The following CTNND2 variants were observed in gnomAD, a reference collection of about 807,000 sequenced individuals.
The protein encoded by CTNND2 is catenin delta 2, also known as catenin delta-2.
A neutral mutation model predicts 144.4 loss-of-function variants in CTNND2; 22 were observed. The observed-to-expected ratio is 0.15, with a 90% CI of 0.11 to 0.22. The LOEUF is 0.22. Ranked by LOEUF, CTNND2 falls within the 10% of genes least tolerant of loss-of-function variation. CTNND2 has a pLI of 1.00. For synonymous variants in CTNND2, 751 were observed against 695.6 expected, an observed-to-expected ratio of 1.08 and a Z score of -1.25; for missense variants, 1,353 against 1,618.8, an observed-to-expected ratio of 0.84 and a Z score of 2.82.
At chr5:11,478,959 G>A (rs555888927) in intron 3 of CTNND2, among the ~76,000 whole-genome samples, 1 of 151,870 alleles carries the variant, frequency 6.6e-6, no homozygotes, top group African/African-American at 2.4e-5. Flanking sequence ...TACTAGAAAG[G>A]GTTCTATTAT....
chr5:11,698,326 T>C (rs1785235035), intron 2 of CTNND2, among the ~76,000 whole-genome samples: 1 of 151,458 alleles, frequency 6.6e-6, no homozygotes, highest in African/African-American at 2.4e-5. Flanking sequence ...TCTCGCTCTG[T>C]CGCCCAGGCT....
At chr5:11,793,589 T>C (rs1016259133) in intron 1 of CTNND2, among the ~76,000 whole-genome samples, 1 of 152,160 alleles carries the variant, frequency 6.6e-6, no homozygotes, top group Non-Finnish European at 1.5e-5. Context: ...ATGGGAACAC[T>C]GGAGTGATGC....
At chr5:11,587,573 C>T (rs1778956914) in intron 2 of CTNND2, among the ~76,000 whole-genome samples, 1 of 151,998 alleles carries the variant, frequency 6.6e-6, no homozygotes, top group Non-Finnish European at 1.5e-5. Flanking sequence ...ATTCTTCACA[C>T]TTAGTTTATA....
At chr5:11,753,726 G>C (rs1788751845) in intron 1 of CTNND2, among the ~76,000 whole-genome samples, 1 of 151,738 alleles carries the variant, frequency 6.6e-6, no homozygotes, top group South Asian at 2.1e-4. Context: ...CAATTTTTTG[G>C]AATAGTTTCA....
intron 1 of CTNND2, among the ~76,000 whole-genome samples, chr5:11,842,258 G>A (rs142067672): frequency 8.0e-4 from 122 of 152,260 alleles, no homozygotes; most frequent in Non-Finnish European, 1.5e-3. Flanking sequence ...TGAAAACACA[G>A]ATTAAAGAAC....
chr5:11,765,636 G>T (rs112863213), intron 1 of CTNND2, among the ~76,000 whole-genome samples: 1 of 152,012 alleles, frequency 6.6e-6, no homozygotes, highest in Non-Finnish European at 1.5e-5. Context: ...AAATGGCGTC[G>T]AACTCTCGGC....
At chr5:11,634,725 GGAAAGGTGGAA>G (rs1581640937) in intron 2 of CTNND2, among the ~76,000 whole-genome samples, 1 of 152,152 alleles carries the variant, frequency 6.6e-6, no homozygotes, top group East Asian at 1.9e-4. Flanking sequence ...AATATTTAAG[GGAAAGGTGGAA>G]GAAAATGAGT....
At chr5:11,694,202 G>A (rs977014318) in intron 2 of CTNND2, among the ~76,000 whole-genome samples, 57 of 152,178 alleles carry the variant, frequency 3.7e-4, no homozygotes, top group Admixed American at 2.7e-3. Context: ...TTGGGAGGCC[G>A]AGGTGGGTGG....
At chr5:11,629,250 G>A (rs186629597) in intron 2 of CTNND2, among the ~76,000 whole-genome samples, 11 of 150,150 alleles carry the variant, frequency 7.3e-5, no homozygotes, top group East Asian at 1.9e-4. Context: ...TGCCTAACCC[G>A]GAAAAGTTAA....
intron 9 of CTNND2, among the ~76,000 whole-genome samples, chr5:11,283,921 C>T (rs528238985): frequency 2.0e-5 from 3 of 152,262 alleles, no homozygotes; most frequent in Non-Finnish European, 4.4e-5. Flanking sequence ...CTGTTCACGT[C>T]GTCTGACGTG....
At chr5:11,668,880 A>G (rs533833533) in intron 2 of CTNND2, among the ~76,000 whole-genome samples, 6 of 152,288 alleles carry the variant, frequency 3.9e-5, no homozygotes, top group South Asian at 2.1e-4. Context: ...TTGACCATTC[A>G]GTATGATAGT....
chr5:11,743,141 T>C (rs933247674), intron 1 of CTNND2, among the ~76,000 whole-genome samples: 4 of 152,242 alleles, frequency 2.6e-5, no homozygotes, highest in African/African-American at 9.6e-5. Context: ...TCTTGGTCTA[T>C]GTTCAATTTC....
chr5:11,007,366 C>T (rs149253316), intron 18 of CTNND2, among the ~76,000 whole-genome samples: 1 of 138,102 alleles, frequency 7.2e-6, no homozygotes, highest in East Asian at 2.8e-4. Flanking sequence ...TTAAATGGAG[C>T]ACTGGCGGTG....
At chr5:11,796,952 G>A (rs897416963) in intron 1 of CTNND2, among the ~76,000 whole-genome samples, 1 of 152,142 alleles carries the variant, frequency 6.6e-6, no homozygotes, top group African/African-American at 2.4e-5. Context: ...TGGAGCACAG[G>A]AGTGAGGAAT....
intron 16 of CTNND2, among the ~76,000 whole-genome samples, chr5:11,069,012 G>A (rs535875392): frequency 3.5e-4 from 53 of 152,372 alleles, no homozygotes; most frequent in Admixed American, 2.5e-3. Flanking sequence ...GACACTGTCC[G>A]TGTCCGTGTT....
intron 2 of CTNND2, among the ~76,000 whole-genome samples, chr5:11,608,413 A>C (rs574221515): frequency 3.3e-5 from 5 of 151,990 alleles, no homozygotes; most frequent in Non-Finnish European, 5.9e-5. Flanking sequence ...AAAATCTGGC[A>C]TTTCTCCCAT....
At chr5:10,983,373 T>C (rs1008305489) in intron 20 of CTNND2, among the ~76,000 whole-genome samples, 11 of 152,160 alleles carry the variant, frequency 7.2e-5, no homozygotes, top group African/African-American at 2.7e-4. Context: ...GAAGGGCTCA[T>C]TGTTTGCTTC....
intron 3 of CTNND2, among the ~76,000 whole-genome samples, chr5:11,511,944 G>T (rs1470099506): frequency 6.6e-6 from 1 of 152,132 alleles, no homozygotes; most frequent in African/African-American, 2.4e-5. Flanking sequence ...AAAATCATTA[G>T]AACAAACCTA....
At chr5:11,482,141 TG>T (rs1183034095) in intron 3 of CTNND2, among the ~76,000 whole-genome samples, 32 of 152,074 alleles carry the variant, frequency 2.1e-4, no homozygotes, top group Admixed American at 2.0e-3. Context: ...GTGGACACTA[TG>T]GCACTGACCT....
Sources: gnomAD v4.1 joint callset for allele counts (sites outside exome capture counted in the v4.1 genomes callset) on GRCh38, gnomAD v4.1.1 for gene constraint, MANE v1.5 for transcripts, NCBI Gene and HGNC (gene_info 2026-07-23, HGNC 2026-07-21) for gene names.